FGFR1OP2: variants seen among roughly 807,000 people sequenced by gnomAD.
FGFR1OP2 encodes the protein FGFR1 oncogene partner 2.
A neutral mutation model predicts 35.2 loss-of-function variants in FGFR1OP2; 17 were observed. The observed-to-expected ratio is 0.48, with a 90% CI of 0.33 to 0.73. The LOEUF is 0.73. Among genes scored for constraint, FGFR1OP2 ranks in the 30% least tolerant of loss-of-function variants. FGFR1OP2 has a pLI of 0.02. For synonymous variants in FGFR1OP2, 105 were observed against 104.6 expected (o/e 1.00, Z -0.03); for missense variants, 251 against 307.3 (o/e 0.82, Z 1.37).
At chr12:26,962,579 T>G (rs1424611386) in intron 5 of FGFR1OP2, 2 of 152,196 alleles carry the variant, frequency 1.3e-5, no homozygotes, top group Non-Finnish European at 2.9e-5. Context: ...ACTGTAAGCT[T>G]CTTCAGATCA....
At chr12:26,943,636 C>G (rs926274816) in intron 1 of FGFR1OP2, among the ~76,000 whole-genome samples, 3 of 152,066 alleles carry the variant, frequency 2.0e-5, no homozygotes, top group Admixed American at 6.5e-5. Context: ...TCCATCCTGG[C>G]CAACATGACG....
intron 2 of FGFR1OP2, among the ~76,000 whole-genome samples, chr12:26,955,516 A>G (rs1051201507): frequency 6.6e-5 from 10 of 152,192 alleles, no homozygotes; most frequent in Admixed American, 5.9e-4. Flanking sequence ...GGCAACCACT[A>G]ATATTTCTAT....
At chr12:26,943,790 A>C (rs1196216035) in intron 1 of FGFR1OP2, among the ~76,000 whole-genome samples, 1 of 152,120 alleles carries the variant, frequency 6.6e-6, no homozygotes, top group Non-Finnish European at 1.5e-5. Flanking sequence ...GTACCGCTGC[A>C]CTCCAGCAGC....
intron 1 of FGFR1OP2, 76 bp downstream of exon 1, chr12:26,938,786 C>G (rs987381465): frequency 1.3e-5 from 2 of 152,274 alleles, no homozygotes; most frequent in African/African-American, 4.8e-5. Flanking sequence ...AGTCCTTCGC[C>G]GGGGCCGGTG....
At chr12:26,942,390 T>C (rs1324956693) in intron 1 of FGFR1OP2, among the ~76,000 whole-genome samples, 1 of 152,260 alleles carries the variant, frequency 6.6e-6, no homozygotes, top group African/African-American at 2.4e-5. Flanking sequence ...CTTGTCCTCT[T>C]GCCCAAATGA....
At chr12:26,955,559 A>G (rs1000613441) in intron 2 of FGFR1OP2, among the ~76,000 whole-genome samples, 1 of 152,204 alleles carries the variant, frequency 6.6e-6, no homozygotes, top group Non-Finnish European at 1.5e-5. Flanking sequence ...GACATTTCAT[A>G]TAAATGGAAT....
At chr12:26,957,796 T>A in intron 4 of FGFR1OP2, 53 bp downstream of exon 4, 1 of 1,474,118 alleles carries the variant, frequency 6.8e-7, no homozygotes, top group Non-Finnish European at 9.0e-7. Context: ...CGATTGATTA[T>A]TCTGTGTTCA....
chr12:26,958,439 A>C (rs1939056289), intron 4 of FGFR1OP2, among the ~76,000 whole-genome samples: 1 of 152,204 alleles, frequency 6.6e-6, no homozygotes, highest in African/African-American at 2.4e-5. Flanking sequence ...AACAAAAAAT[A>C]ATGGAAACCT....
rs1939157534 is a variant in FGFR1OP2, at chr12:26,965,124, A to G, written c.*391A>G. ...TTTGCCACTGTTTTGTGAACGGAGG[A>G]TTTGTACGCTAAATTTCATCCTTAT... On this transcript the variant is annotated 3_prime_UTR_variant, in exon 7 of 7. Transcript: ENST00000229395. 6.4e-6 allele frequency: 1 copy of G among 156,260 alleles called. No homozygotes were observed. The highest frequency in any genetic ancestry group is 2.4e-5 in the African/African-American group (1 of 41,536). The allele number at this position is 156,260 out of a possible 1,614,324, so 9.7% of individuals were successfully genotyped here.
chr12:26,956,519 C>A, intron 2 of FGFR1OP2, 24 bp from the exon 3 acceptor site: 2 of 1,032,568 alleles, frequency 1.9e-6, no homozygotes, highest in Non-Finnish European at 2.7e-6. Flanking sequence ...TATTTTCATC[C>A]CACATGTTTT....
intron 1 of FGFR1OP2, among the ~76,000 whole-genome samples, chr12:26,950,192 C>G (rs1565848366): frequency 7.8e-6 from 1 of 127,406 alleles, no homozygotes; most frequent in African/African-American, 3.0e-5. Flanking sequence ...ATCAAGCCAT[C>G]AAGTAGTTAA....
chr12:26,960,688 GT>G, intron 5 of FGFR1OP2, 60 bp downstream of exon 5: 2 of 1,543,866 alleles, frequency 1.3e-6, no homozygotes, highest in South Asian at 2.4e-5. Context: ...CATTTTAAAA[GT>G]GCTTTTACAT....
At chr12:26,944,167 G>A (rs1435124316) in intron 1 of FGFR1OP2, among the ~76,000 whole-genome samples, 1 of 152,122 alleles carries the variant, frequency 6.6e-6, no homozygotes, top group Non-Finnish European at 1.5e-5. Context: ...GTAGTTTTAG[G>A]AGTTCTTTTT....
chr12:26,964,159 C>T (rs140346709), intron 6 of FGFR1OP2, among the ~76,000 whole-genome samples: 66 of 152,234 alleles, frequency 4.3e-4, no homozygotes, highest in African/African-American at 1.4e-3. Context: ...TACCCTGCTG[C>T]TCTCAAATGC....
intron 3 of FGFR1OP2, among the ~76,000 whole-genome samples, chr12:26,957,380 G>C (rs1486711945): frequency 1.3e-5 from 2 of 152,126 alleles, no homozygotes; most frequent in African/African-American, 2.4e-5. Context: ...ATTAATTGCT[G>C]TTTAGTACAT....
At chr12:26,959,814 A>C (rs1253087742) in intron 4 of FGFR1OP2, among the ~76,000 whole-genome samples, 3 of 152,192 alleles carry the variant, frequency 2.0e-5, no homozygotes, top group African/African-American at 7.2e-5. Flanking sequence ...TAATTAAACA[A>C]ACATTAATAC....
chr12:26,962,008 C>G (rs1939111813), intron 5 of FGFR1OP2: 1 of 152,182 alleles, frequency 6.6e-6, no homozygotes, highest in South Asian at 2.1e-4. Context: ...TCAAAACTAT[C>G]CAGTAGAACT....
intron 1 of FGFR1OP2, among the ~76,000 whole-genome samples, chr12:26,939,237 T>TA (rs1291913369): frequency 6.1e-5 from 9 of 148,036 alleles, no homozygotes; most frequent in Non-Finnish European, 3.0e-5. Context: ...CACTGTATTA[T>TA]TTTTTTTTTC....
chr12:26,943,757 G>A (rs913512291), intron 1 of FGFR1OP2, among the ~76,000 whole-genome samples: 4 of 152,116 alleles, frequency 2.6e-5, no homozygotes, highest in South Asian at 2.1e-4. Context: ...CCCAGGAGGC[G>A]GAGGTTCCAG....
Sources: gnomAD v4.1 joint callset for allele counts (sites outside exome capture counted in the v4.1 genomes callset) on GRCh38, gnomAD v4.1.1 for gene constraint, MANE v1.5 for transcripts, NCBI Gene and HGNC (gene_info 2026-07-23, HGNC 2026-07-21) for gene names.